NAV1: variants seen among roughly 807,000 people sequenced by gnomAD.
NAV1 encodes pore membrane and/or filament interacting like protein 3.
In NAV1, 18 loss-of-function variants were observed where a neutral mutation model predicts 175.2. That is an observed-to-expected ratio of 0.10 (90% CI 0.07 to 0.15). NAV1 has a LOEUF of 0.15. Among genes scored for constraint, NAV1 ranks in the 10% least tolerant of loss-of-function variants. The pLI, the probability that NAV1 is intolerant of heterozygous loss-of-function variation, is 1.00. For missense variants in NAV1, 1,731 were observed against 2,436.6 expected (o/e 0.71, Z 6.10); for synonymous variants, 897 against 978.7 (o/e 0.92, Z 1.56).
intron 3 of NAV1, among the ~76,000 whole-genome samples, chr1:201,773,282 T>G (rs183663878): frequency 4.6e-5 from 7 of 152,262 alleles, no homozygotes; most frequent in Non-Finnish European, 1.0e-4. Flanking sequence ...CTCCTGGCCT[T>G]AAGCAATCCT....
chr1:201,781,202 AGCCCATCAGCCTGG>A lies in NAV1; in HGVS notation c.1560_1573del (p.Ile521ProfsTer33). The A allele has an allele frequency of 6.2e-7, 1 of 1,614,060 alleles. No homozygotes were observed. The highest frequency in any genetic ancestry group is 1.6e-4 in the Middle Eastern group (1 of 6,062). On this transcript the variant is annotated frameshift_variant, in exon 5 of 30. Transcript: ENST00000367296. LOFTEE classifies it high-confidence loss of function. Reference sequence around the variant, plus strand: ...TCATCCAAGGGTGGAGAACTGAAAAAGCCCATCAGCCTGGGCCACCCTGGTTCCCTGAAGAAGGG... The same window carrying A: ...TCATCCAAGGGTGGAGAACTGAAAAAGCCACCCTGGTTCCCTGAAGAAGGG...
chr1:201,645,955 A>C (rs1009731087), upstream of NAV1, among the ~76,000 whole-genome samples: 1 of 152,212 alleles, frequency 6.6e-6, no homozygotes, highest in African/African-American at 2.4e-5. Flanking sequence ...TGTAGAAGTG[A>C]TGGCTTGTGA....
At chr1:201,655,608 C>T (rs1473130126) in intron 1 of NAV1, among the ~76,000 whole-genome samples, 1 of 152,222 alleles carries the variant, frequency 6.6e-6, no homozygotes, top group Non-Finnish European at 1.5e-5. Flanking sequence ...CTTCAGGGTT[C>T]AGCTCCCCCT....
intron 2 of NAV1, among the ~76,000 whole-genome samples, chr1:201,596,813 T>TG (rs574930883): frequency 2.0e-5 from 3 of 151,444 alleles, no homozygotes; most frequent in Admixed American, 6.6e-5. Flanking sequence ...TTTGTTTGTT[T>TG]TTTGTTTGTT....
At chr1:201,559,209 G>A (rs150537960) in intron 1 of NAV1, among the ~76,000 whole-genome samples, 5 of 152,198 alleles carry the variant, frequency 3.3e-5, no homozygotes, top group African/African-American at 1.2e-4. Flanking sequence ...TGTAAATTGG[G>A]GGTTATTTAT....
chr1:201,771,367 C>T (rs34706892), intron 3 of NAV1, among the ~76,000 whole-genome samples: 17,622 of 151,528 alleles, frequency 0.12, 2,116 homozygotes, highest in African/African-American at 0.31. Flanking sequence ...AAAAATTGGC[C>T]GGGCATGGTG....
intron 3 of NAV1, among the ~76,000 whole-genome samples, chr1:201,727,458 G>A (rs953356391): frequency 6.6e-6 from 1 of 152,182 alleles, no homozygotes; most frequent in Admixed American, 6.5e-5. Context: ...TGTGCTTATT[G>A]TGCAGATAGC....
intron 2 of NAV1, among the ~76,000 whole-genome samples, chr1:201,717,964 A>C (rs570729700): frequency 6.6e-6 from 1 of 152,280 alleles, no homozygotes; most frequent in South Asian, 2.1e-4. Flanking sequence ...TCCATATACC[A>C]GGCACTGTGT....
At chr1:201,797,883 C>G (rs1057133947) in intron 15 of NAV1, 1 of 152,196 alleles carries the variant, frequency 6.6e-6, no homozygotes, top group Non-Finnish European at 1.5e-5. Flanking sequence ...GTTTTACAAT[C>G]TCTTCTTAAT....
At chr1:201,776,079 C>A (rs992346028) in intron 3 of NAV1, among the ~76,000 whole-genome samples, 1 of 151,948 alleles carries the variant, frequency 6.6e-6, no homozygotes, top group African/African-American at 2.4e-5. Flanking sequence ...TACATATATA[C>A]AATACCCATA....
chr1:201,770,494 C>G (rs1313641563), intron 3 of NAV1, among the ~76,000 whole-genome samples: 1 of 151,840 alleles, frequency 6.6e-6, no homozygotes, highest in Non-Finnish European at 1.5e-5. Flanking sequence ...TCACTCTCAT[C>G]TTAACAACAA....
chr1:201,735,066 G>A (rs1673053408), intron 3 of NAV1, among the ~76,000 whole-genome samples: 1 of 152,170 alleles, frequency 6.6e-6, no homozygotes, highest in Non-Finnish European at 1.5e-5. Flanking sequence ...CTGCCCCAGA[G>A]AAATCTCAGC....
At chr1:201,790,436 C>A in intron 11 of NAV1, 118 bp from the exon 16 acceptor site, 2 of 1,144,850 alleles carry the variant, frequency 1.7e-6, no homozygotes, top group Non-Finnish European at 2.6e-6. Flanking sequence ...AGCCTCTCTG[C>A]ACCTCTGAGT....
At chr1:201,671,859 C>T (rs952479978) in intron 1 of NAV1, among the ~76,000 whole-genome samples, 13 of 152,152 alleles carry the variant, frequency 8.5e-5, no homozygotes, top group Admixed American at 7.9e-4. Flanking sequence ...CAGGCTGTCT[C>T]GAGGTTAAAC....
At position 201,813,883 on chromosome 1, in the gene NAV1, C is replaced by G. The variant is rs950833906; in HGVS notation, c.5340+625C>G. ...CCATCCTGGCTAACATGGTGAAATC[C>G]CCTTTCTACTAAAAATACAAAAAAT... On this transcript the variant is annotated intron_variant, in intron 28 of 29. Transcript: ENST00000367296. The surrounding 1 kb of genome is among the most constrained non-coding windows in gnomAD (Gnocchi z 4.2). 6.6e-6 allele frequency among the ~76,000 whole-genome samples: 1 copy of G among 151,932 alleles called. No individual in the cohort carries two copies. The highest frequency in any genetic ancestry group is 2.4e-5 in the African/African-American group (1 of 41,338).
intron 2 of NAV1, among the ~76,000 whole-genome samples, chr1:201,640,505 CT>C (rs1233477596): frequency 6.6e-6 from 1 of 152,194 alleles, no homozygotes; most frequent in African/African-American, 2.4e-5. Context: ...ACTTTTCCCC[CT>C]GTCTCCCAGA....
At chr1:201,656,069 C>T (rs1378888107) in intron 1 of NAV1, among the ~76,000 whole-genome samples, 2 of 152,236 alleles carry the variant, frequency 1.3e-5, no homozygotes, top group Non-Finnish European at 1.5e-5. Context: ...TCCCTGCCAG[C>T]GCTGTTGTAT....
At chr1:201,738,987 G>A (rs1200527577) in intron 3 of NAV1, among the ~76,000 whole-genome samples, 2 of 152,162 alleles carry the variant, frequency 1.3e-5, no homozygotes, top group Non-Finnish European at 2.9e-5. Flanking sequence ...CAAGGGTGAG[G>A]GCAGCAGGCT....
At chr1:201,726,355 T>C (rs1488090451) in intron 3 of NAV1, among the ~76,000 whole-genome samples, 4 of 152,150 alleles carry the variant, frequency 2.6e-5, no homozygotes, top group South Asian at 2.1e-4. Flanking sequence ...TTGAAATCTA[T>C]TATTCTGGTT....
Sources: gnomAD v4.1 joint callset for allele counts (sites outside exome capture counted in the v4.1 genomes callset) on GRCh38, gnomAD v4.1.1 for gene constraint, Gnocchi (gnomAD v3.1) non-coding constraint, MANE v1.5 for transcripts, NCBI Gene and HGNC (gene_info 2026-07-23, HGNC 2026-07-21) for gene names.